Variants in CNTN5 observed in about 807,000 individuals in gnomAD.
CNTN5 encodes contactin 5, also known as contactin-5.
In CNTN5, 77 loss-of-function variants were observed where a neutral mutation model predicts 129.1. That is an observed-to-expected ratio of 0.60 (90% confidence interval 0.50 to 0.72). The LOEUF (loss-of-function observed/expected upper bound fraction) is 0.72, where lower values mean the gene tolerates loss of function less well. Among genes scored for constraint, CNTN5 ranks in the 30% least tolerant of loss-of-function variants. The pLI, the probability that CNTN5 is intolerant of heterozygous loss-of-function variation, is 0.00. For missense variants in CNTN5, 1,478 were observed against 1,328.8 expected (o/e 1.11, Z -1.75); for synonymous variants, 509 against 465.6 (o/e 1.09, Z -1.20).
At chr11:99,955,077 T>C (rs1950766226) in intron 7 of CNTN5, among the ~76,000 whole-genome samples, 1 of 151,932 alleles carries the variant, frequency 6.6e-6, no homozygotes. Context: ...TCTGTAACTT[T>C]AATATAAACC....
intron 1 of CNTN5, among the ~76,000 whole-genome samples, chr11:99,060,142 A>G (rs568474712): frequency 3.9e-5 from 6 of 152,072 alleles, no homozygotes; most frequent in Non-Finnish European, 7.4e-5. Context: ...TTATACCAGT[A>G]AATGTGGGTA....
intron 18 of CNTN5, among the ~76,000 whole-genome samples, chr11:100,280,473 AT>A (rs1565395096): frequency 6.6e-6 from 1 of 151,754 alleles, no homozygotes; most frequent in African/African-American, 2.4e-5. Context: ...CTTAAAATTT[AT>A]TTTTTTCTCA....
At chr11:99,035,969 G>A (rs887126004) in intron 1 of CNTN5, among the ~76,000 whole-genome samples, 7 of 151,840 alleles carry the variant, frequency 4.6e-5, no homozygotes, top group Non-Finnish European at 8.8e-5. Flanking sequence ...AGGCCTGGTG[G>A]TGACAAAATC....
chr11:99,784,982 G>T (rs748944605), intron 3 of CNTN5, among the ~76,000 whole-genome samples: 6 of 151,730 alleles, frequency 4.0e-5, no homozygotes, highest in Non-Finnish European at 8.8e-5. Flanking sequence ...TGTATTTTTA[G>T]TAGAGACAGG....
chr11:99,397,277 T>C (rs953134429), intron 2 of CNTN5, among the ~76,000 whole-genome samples: 2 of 151,796 alleles, frequency 1.3e-5, no homozygotes, highest in Admixed American at 6.6e-5. Context: ...TCTCATCATA[T>C]CAAAAATACT....
In CNTN5 at chr11:99,967,329, C is replaced by G. The variant is rs372759777; in HGVS notation, c.877+10320C>G. ...TACTGACATGGTGAAAAATTATTCTCATGCATTCACAAATGTGTATTGTCT... is the reference window on the plus strand; with the variant it reads ...TACTGACATGGTGAAAAATTATTCTGATGCATTCACAAATGTGTATTGTCT... On this transcript the variant is annotated intron_variant, in intron 8 of 24. Coordinates refer to ENST00000524871, the MANE Select transcript of CNTN5 (RefSeq NM_014361.4). Among the ~76,000 whole-genome samples the G allele has an allele frequency of 4.6e-5, 7 of 152,282 alleles. No homozygotes were observed. In the South Asian group the frequency reaches 1.2e-3, roughly 27 times the overall value.
chr11:99,510,785 T>C (rs573938080), intron 2 of CNTN5, among the ~76,000 whole-genome samples: 65 of 152,344 alleles, frequency 4.3e-4, no homozygotes, highest in African/African-American at 1.5e-3. Context: ...GGTTTACATA[T>C]GTACTATACT....
At chr11:100,236,918 G>A (rs143491459) in intron 16 of CNTN5, among the ~76,000 whole-genome samples, 3,660 of 152,142 alleles carry the variant, frequency 0.024, 53 homozygotes, top group Non-Finnish European at 0.036. Context: ...CGCTGGGCGC[G>A]GTGGCTCACG....
intron 1 of CNTN5, among the ~76,000 whole-genome samples, chr11:99,224,673 T>TTTTC (rs1860582384): frequency 6.7e-6 from 1 of 148,774 alleles, no homozygotes; most frequent in Non-Finnish European, 1.5e-5. Flanking sequence ...TTTTTTTTTT[T>TTTTC]TTTTGAGACA....
intron 3 of CNTN5, among the ~76,000 whole-genome samples, chr11:99,578,544 C>A (rs1190780950): frequency 6.6e-6 from 1 of 150,912 alleles, no homozygotes; most frequent in African/African-American, 2.5e-5. Context: ...GATGGTATCT[C>A]ACTGTGGTTT....
intron 3 of CNTN5, among the ~76,000 whole-genome samples, chr11:99,689,867 A>G (rs1303498780): frequency 6.6e-6 from 1 of 152,014 alleles, no homozygotes; most frequent in Admixed American, 6.6e-5. Context: ...TTTTTCTCCC[A>G]TTCTGTAGGT....
chr11:99,888,953 TA>T, intron 6 of CNTN5, among the ~76,000 whole-genome samples: 1 of 149,836 alleles, frequency 6.7e-6, no homozygotes. Flanking sequence ...AGAATTCGTA[TA>T]AAATGCTTAA....
At chr11:100,240,456 A>G (rs967431678) in intron 16 of CNTN5, among the ~76,000 whole-genome samples, 1 of 152,220 alleles carries the variant, frequency 6.6e-6, no homozygotes, top group African/African-American at 2.4e-5. Context: ...AGCATAAGCT[A>G]GTAGCCATCA....
At chr11:99,688,718 C>G (rs1040637119) in intron 3 of CNTN5, among the ~76,000 whole-genome samples, 1 of 152,036 alleles carries the variant, frequency 6.6e-6, no homozygotes, top group African/African-American at 2.4e-5. Context: ...GGTATTAATC[C>G]CAGCATTCAT....
chr11:100,295,655 G>A (rs1951086095), intron 18 of CNTN5, among the ~76,000 whole-genome samples: 1 of 151,296 alleles, frequency 6.6e-6, no homozygotes, highest in South Asian at 2.1e-4. Context: ...CTCTAAAACT[G>A]TAATCTAGAG....
chr11:99,067,243 C>G (rs566141990), intron 1 of CNTN5, among the ~76,000 whole-genome samples: 92 of 152,188 alleles, frequency 6.0e-4, no homozygotes, highest in Admixed American at 3.5e-3. Flanking sequence ...TTGAAATACT[C>G]TTGGCATATG....
chr11:99,039,014 T>G (rs1863874350), intron 1 of CNTN5, among the ~76,000 whole-genome samples: 1 of 152,078 alleles, frequency 6.6e-6, no homozygotes. Context: ...AATGTCATAT[T>G]TCTGTATCAG....
intron 3 of CNTN5, among the ~76,000 whole-genome samples, chr11:99,818,615 T>C (rs1257026855): frequency 2.6e-5 from 4 of 152,316 alleles, no homozygotes; most frequent in East Asian, 1.9e-4. Flanking sequence ...GCTTAATTGA[T>C]ACTGTACATA....
At chr11:99,609,892 G>C (rs1376156140) in intron 3 of CNTN5, among the ~76,000 whole-genome samples, 1 of 152,090 alleles carries the variant, frequency 6.6e-6, no homozygotes, top group Non-Finnish European at 1.5e-5. Context: ...AGGGTTGTTA[G>C]AAAGACAGAG....
Sources: allele counts gnomAD v4.1 joint callset (sites outside exome capture counted in the v4.1 genomes callset), GRCh38; gene constraint gnomAD v4.1.1; transcripts MANE v1.5; gene names NCBI Gene and HGNC (gene_info 2026-07-23, HGNC 2026-07-21).